MBNL2: variants seen among roughly 807,000 people sequenced by gnomAD.
MBNL2 encodes the protein muscleblind-like protein 2.
MBNL2 carries 17 observed loss-of-function variants against 41.9 expected under a neutral mutation model. The ratio of observed to expected loss-of-function variants is 0.41; its 90% CI spans 0.28 to 0.61. The LOEUF (loss-of-function observed/expected upper bound fraction) is 0.61, where lower values mean the gene tolerates loss of function less well. Ranked by LOEUF, MBNL2 falls within the 20% of genes least tolerant of loss-of-function variation. The pLI is 0.35. For missense variants in MBNL2, 336 were observed against 505.6 expected (o/e 0.66, Z 3.22); for synonymous variants, 195 against 182.9 (o/e 1.07, Z -0.53).
At chr13:97,150,897 T>C in the MBNL2 span, among the ~76,000 whole-genome samples, 1 of 152,212 alleles carries the variant, frequency 6.6e-6, no homozygotes, top group South Asian at 2.1e-4. Flanking sequence ...TTCTGAACTA[T>C]TCAGGACTTT....
At chr13:97,331,449 A>G (rs1195002100) in intron 2 of MBNL2, among the ~76,000 whole-genome samples, 4 of 152,200 alleles carry the variant, frequency 2.6e-5, no homozygotes, top group Non-Finnish European at 4.4e-5. Context: ...CCAAATCCCT[A>G]TATATACATA....
At chr13:97,284,001 C>A (rs1246708867) in intron 2 of MBNL2, among the ~76,000 whole-genome samples, 1 of 152,128 alleles carries the variant, frequency 6.6e-6, no homozygotes, top group African/African-American at 2.4e-5. Flanking sequence ...AGAGAAAGCC[C>A]CTTTCCTGGA....
chr13:97,156,053 C>T, the MBNL2 span, among the ~76,000 whole-genome samples: 1 of 108,320 alleles, frequency 9.2e-6, no homozygotes, highest in Non-Finnish European at 1.9e-5. Context: ...TCCTCTCCAG[C>T]ACCTGTTGTT....
At position 97,222,944 on chromosome 13, in the gene MBNL2, A is replaced by G. The variant is rs866215316; in HGVS notation, c.-605+413A>G. 4.6e-5 allele frequency among the ~76,000 whole-genome samples: 7 copies of G among 152,196 alleles called. No individual in the cohort carries two copies. The South Asian group carries it at 6.2e-4, about 14-fold the overall frequency. On this transcript the variant is annotated intron_variant, in intron 1 of 8. Coordinates refer to ENST00000679496, the MANE Select transcript of MBNL2 (RefSeq NM_001382683.1). ...TAAGGATTAAAAAAAAATTCATGGTAAATAATCATCGGTTGAATGTTTGGC... is the reference window on the plus strand; with the variant it reads ...TAAGGATTAAAAAAAAATTCATGGTGAATAATCATCGGTTGAATGTTTGGC...
At chr13:97,257,481 G>A (rs2047777642) in intron 1 of MBNL2, among the ~76,000 whole-genome samples, 1 of 152,214 alleles carries the variant, frequency 6.6e-6, no homozygotes, top group Non-Finnish European at 1.5e-5. Flanking sequence ...TGACGGAACT[G>A]CATGGAGTCC....
intron 1 of MBNL2, among the ~76,000 whole-genome samples, chr13:97,271,267 C>T (rs1383966347): frequency 6.6e-6 from 1 of 151,818 alleles, no homozygotes; most frequent in Non-Finnish European, 1.5e-5. Context: ...AGGCGTGTGC[C>T]AGGCTAATTT....
Position 97,347,077 on chromosome 13 carries a change from G to A in MBNL2, c.804+10G>A. Reference sequence around the variant, plus strand: ...CGCGGCCACAGTCATGGTAAGTGCGGCCGCCCGCCGCCCCTGCACCCCGGC... The same window carrying A: ...CGCGGCCACAGTCATGGTAAGTGCGACCGCCCGCCGCCCCTGCACCCCGGC... On this transcript the variant is annotated intron_variant, in intron 5 of 8. Transcript: ENST00000679496. 2.0e-6 allele frequency: 3 copies of A among 1,525,550 alleles called. No individual in the cohort carries two copies. The highest frequency in any genetic ancestry group is 2.6e-6 in the Non-Finnish European group (3 of 1,138,888). 94.5% of individuals were successfully genotyped at this position (1,525,550 alleles called of 1,614,324 possible). A position where few individuals can be genotyped will look rare whatever the true frequency, so the allele number is the denominator to read the frequency against.
intron 1 of MBNL2, among the ~76,000 whole-genome samples, chr13:97,242,051 G>A (rs1037611547): frequency 1.3e-5 from 2 of 152,136 alleles, no homozygotes. Flanking sequence ...AACAAGGAAA[G>A]GCTAGGCCCA....
chr13:97,182,780 T>C, the MBNL2 span, among the ~76,000 whole-genome samples: 4 of 152,198 alleles, frequency 2.6e-5, no homozygotes, highest in East Asian at 7.7e-4. Flanking sequence ...GTGGTGGTTG[T>C]TATTGCACAA....
At chr13:97,254,086 C>T (rs1256177722) in intron 1 of MBNL2, among the ~76,000 whole-genome samples, 4 of 152,226 alleles carry the variant, frequency 2.6e-5, no homozygotes, top group Non-Finnish European at 4.4e-5. Context: ...GACAGGGTTT[C>T]GCCATGGTGG....
chr13:97,230,660 C>T (rs1414063651), intron 1 of MBNL2, among the ~76,000 whole-genome samples: 1 of 152,186 alleles, frequency 6.6e-6, no homozygotes, highest in Non-Finnish European at 1.5e-5. Context: ...TAAATACCCA[C>T]AAAGGAGCAA....
chr13:97,211,044 T>C, the MBNL2 span, among the ~76,000 whole-genome samples: 5 of 152,012 alleles, frequency 3.3e-5, no homozygotes, highest in African/African-American at 4.8e-5. Flanking sequence ...ACATAACATT[T>C]GATGCATGAT....
chr13:97,186,440 T>G, the MBNL2 span, among the ~76,000 whole-genome samples: 11 of 152,224 alleles, frequency 7.2e-5, 1 homozygote, highest in African/African-American at 2.7e-4. Flanking sequence ...GATGTTCATT[T>G]TGGAATATTT....
chr13:97,269,906 AAGT>A (rs1394843845), intron 1 of MBNL2, among the ~76,000 whole-genome samples: 2 of 152,246 alleles, frequency 1.3e-5, no homozygotes, highest in African/African-American at 4.8e-5. Flanking sequence ...GGAAGCCTGA[AAGT>A]AGATTTTGTT....
At position 97,334,852 on chromosome 13, in the gene MBNL2, C is replaced by T. The variant is rs1028576196; in HGVS notation, c.339+412C>T. On this transcript the variant is annotated intron_variant, in intron 3 of 8. Transcript: ENST00000679496. The surrounding 1 kb of genome is among the most constrained non-coding windows in gnomAD (Gnocchi z 5.3). ...TTTAAAGGATGAGGAAATTGAGAAA[C>T]CAGAGAAGTTCAATGATTTTCCGCA... Among the ~76,000 whole-genome samples the T allele has an allele frequency of 6.6e-6, 1 of 152,156 alleles. No individual in the cohort carries two copies. The highest frequency in any genetic ancestry group is 1.5e-5 in the Non-Finnish European group (1 of 68,030).
At chr13:97,181,584 C>A in the MBNL2 span, among the ~76,000 whole-genome samples, 2 of 152,202 alleles carry the variant, frequency 1.3e-5, no homozygotes, top group African/African-American at 4.8e-5. Flanking sequence ...CTTTTGAACA[C>A]GTATAGGAAA....
intron 2 of MBNL2, among the ~76,000 whole-genome samples, chr13:97,292,982 T>C (rs546353745): frequency 6.6e-6 from 1 of 152,160 alleles, no homozygotes; most frequent in South Asian, 2.1e-4. Context: ...TCTGTTTTAT[T>C]TGAAGAACCT....
chr13:97,226,954 C>G (rs2041692375), intron 1 of MBNL2, among the ~76,000 whole-genome samples: 1 of 151,410 alleles, frequency 6.6e-6, no homozygotes, highest in African/African-American at 2.4e-5. Context: ...ATGCCTTTAT[C>G]TCACTGTCTC....
At chr13:97,190,754 G>A in the MBNL2 span, among the ~76,000 whole-genome samples, 2 of 152,176 alleles carry the variant, frequency 1.3e-5, no homozygotes, top group African/African-American at 4.8e-5. Flanking sequence ...TCCGGTCATG[G>A]TGACCAGTTA....
Sources: allele counts gnomAD v4.1 joint callset (sites outside exome capture counted in the v4.1 genomes callset), GRCh38; gene constraint gnomAD v4.1.1; non-coding constraint Gnocchi (gnomAD v3.1); transcripts MANE v1.5; gene names NCBI Gene and HGNC (gene_info 2026-07-23, HGNC 2026-07-21).